HDAC9: variants seen among roughly 807,000 people sequenced by gnomAD.
HDAC9 encodes the protein MEF-2 interacting transcription repressor (MITR) protein.
HDAC9 carries 41 observed loss-of-function variants against 139.4 expected under a neutral mutation model. That is an observed-to-expected ratio of 0.29 (90% CI 0.23 to 0.38). The LOEUF (loss-of-function observed/expected upper bound fraction) is 0.38. Ranked by LOEUF, HDAC9 falls within the 10% of genes least tolerant of loss-of-function variation. The pLI, the probability that HDAC9 is intolerant of heterozygous loss-of-function variation, is 1.00. For synonymous variants in HDAC9, 517 were observed against 476.2 expected, an observed-to-expected ratio of 1.09 and a Z score of -1.12; for missense variants, 1,147 against 1,297.0, an observed-to-expected ratio of 0.88 and a Z score of 1.78.
intron 2 of HDAC9, among the ~76,000 whole-genome samples, chr7:18,518,268 A>G (rs1376113128): frequency 6.6e-6 from 1 of 152,228 alleles, no homozygotes. Flanking sequence ...CAAAATCAAG[A>G]GTTTGAAGTA....
intron 1 of HDAC9, among the ~76,000 whole-genome samples, chr7:18,126,475 A>T (rs766523307): frequency 3.3e-5 from 5 of 152,174 alleles, no homozygotes; most frequent in Non-Finnish European, 7.4e-5. Flanking sequence ...GAACTTAATT[A>T]GCAGCTAAGA....
At chr7:18,117,056 CA>C (rs1449463129) in intron 1 of HDAC9, among the ~76,000 whole-genome samples, 1 of 152,126 alleles carries the variant, frequency 6.6e-6, no homozygotes, top group Non-Finnish European at 1.5e-5. Flanking sequence ...AACCAAACCG[CA>C]ACATTATAAA....
intron 25 of HDAC9, among the ~76,000 whole-genome samples, chr7:18,994,064 C>A (rs975899356): frequency 1.3e-5 from 2 of 152,086 alleles, no homozygotes; most frequent in African/African-American, 4.8e-5. Context: ...CTACTCACAT[C>A]CTTTAAGCCT....
intron 22 of HDAC9, among the ~76,000 whole-genome samples, chr7:18,891,811 T>C (rs1305065692): frequency 2.0e-5 from 3 of 152,122 alleles, no homozygotes; most frequent in Non-Finnish European, 2.9e-5. Flanking sequence ...ACCTTCCACA[T>C]AGGACACATA....
intron 1 of HDAC9, among the ~76,000 whole-genome samples, chr7:18,376,957 A>C (rs1387755002): frequency 6.6e-6 from 1 of 152,032 alleles, no homozygotes; most frequent in Non-Finnish European, 1.5e-5. Context: ...GAAGACATTA[A>C]TGGTTTTTTA....
At chr7:18,396,355 G>A (rs989933856) in intron 1 of HDAC9, among the ~76,000 whole-genome samples, 6 of 152,060 alleles carry the variant, frequency 3.9e-5, no homozygotes, top group Non-Finnish European at 8.8e-5. Flanking sequence ...AAAGAACTAC[G>A]CAGGTATTGG....
At chr7:18,698,533 A>C (rs1014289429) in intron 12 of HDAC9, among the ~76,000 whole-genome samples, 3 of 152,206 alleles carry the variant, frequency 2.0e-5, no homozygotes, top group East Asian at 1.9e-4. Context: ...TCTAATCACC[A>C]ATCTTTATGT....
chr7:18,483,375 G>T (rs1233060006), intron 1 of HDAC9, among the ~76,000 whole-genome samples: 4 of 152,306 alleles, frequency 2.6e-5, no homozygotes, highest in Admixed American at 6.5e-5. Flanking sequence ...TGAGAGCAAG[G>T]TTTTCAGAAA....
intron 22 of HDAC9, among the ~76,000 whole-genome samples, chr7:18,932,541 T>G (rs981780944): frequency 1.3e-5 from 2 of 151,880 alleles, no homozygotes; most frequent in African/African-American, 4.8e-5. Flanking sequence ...TCGGTCGGAG[T>G]TGGAACATTA....
At chr7:18,971,736 T>A (rs1237896348) in intron 24 of HDAC9, among the ~76,000 whole-genome samples, 1 of 152,250 alleles carries the variant, frequency 6.6e-6, no homozygotes, top group Non-Finnish European at 1.5e-5. Flanking sequence ...TTTAAAGTTT[T>A]GGGTTATTTC....
At chr7:18,803,665 G>T (rs761059276) in intron 17 of HDAC9, among the ~76,000 whole-genome samples, 6 of 151,926 alleles carry the variant, frequency 3.9e-5, no homozygotes, top group African/African-American at 1.5e-4. Flanking sequence ...ATCATTTCTT[G>T]TAGATTTTCT....
At chr7:18,518,638 G>A (rs1268603567) in intron 2 of HDAC9, among the ~76,000 whole-genome samples, 3 of 152,092 alleles carry the variant, frequency 2.0e-5, no homozygotes, top group African/African-American at 4.8e-5. Context: ...AGAAAAGGTC[G>A]AGAAATTAAT....
intron 12 of HDAC9, among the ~76,000 whole-genome samples, chr7:18,718,526 C>A (rs899786679): frequency 6.6e-6 from 1 of 152,188 alleles, no homozygotes; most frequent in Non-Finnish European, 1.5e-5. Context: ...AGCCACCGTG[C>A]CTGGCAGGTG....
At chr7:18,831,342 A>G (rs984182407) in intron 19 of HDAC9, among the ~76,000 whole-genome samples, 10 of 152,188 alleles carry the variant, frequency 6.6e-5, no homozygotes, top group Non-Finnish European at 1.0e-4. Context: ...ATGTATATGT[A>G]AAGTTTTGTT....
At chr7:18,851,348 G>A (rs1352119745) in intron 21 of HDAC9, 1 of 152,288 alleles carries the variant, frequency 6.6e-6, no homozygotes, top group African/African-American at 2.4e-5. Flanking sequence ...GAGCTCTCAC[G>A]AGATCTAATG....
chr7:18,743,231 C>T (rs1787616716), intron 13 of HDAC9, among the ~76,000 whole-genome samples: 1 of 152,156 alleles, frequency 6.6e-6, no homozygotes, highest in Non-Finnish European at 1.5e-5. Flanking sequence ...AACACTTAAT[C>T]TAATTCCTAG....
At chr7:18,381,064 G>A (rs1785386472) in intron 1 of HDAC9, among the ~76,000 whole-genome samples, 2 of 151,284 alleles carry the variant, frequency 1.3e-5, no homozygotes, top group Admixed American at 6.6e-5. Context: ...CCGGTGTGGT[G>A]GTGCATGCCT....
chr7:18,369,299 T>C (rs1239602607), intron 1 of HDAC9, among the ~76,000 whole-genome samples: 2 of 152,070 alleles, frequency 1.3e-5, no homozygotes, highest in Admixed American at 6.6e-5. Flanking sequence ...AAAAATTCTT[T>C]TAGTGACCTC....
At chr7:18,148,602 G>A (rs772634741) in intron 1 of HDAC9, among the ~76,000 whole-genome samples, 18 of 152,032 alleles carry the variant, frequency 1.2e-4, no homozygotes, top group African/African-American at 2.4e-4. Context: ...GATTACAGGC[G>A]CTCGCCACCA....
Sources: allele counts gnomAD v4.1 joint callset (sites outside exome capture counted in the v4.1 genomes callset), GRCh38; gene constraint gnomAD v4.1.1; transcripts MANE v1.5; gene names NCBI Gene and HGNC (gene_info 2026-07-23, HGNC 2026-07-21).